The following WWOX variants were observed in gnomAD, a reference collection of about 807,000 sequenced individuals.
The protein encoded by WWOX is WW domain containing oxidoreductase, also known as WW domain-containing oxidoreductase.
A neutral mutation model predicts 46.2 loss-of-function variants in WWOX; 69 were observed. That is an observed-to-expected ratio of 1.49 (90% CI 1.23 to 1.82). The LOEUF (loss-of-function observed/expected upper bound fraction) is 1.82, where lower values mean the gene tolerates loss of function less well. Ranked by LOEUF, WWOX falls within the 40% of genes most tolerant of loss-of-function variation. WWOX has a pLI of 0.00. For synonymous variants in WWOX, 359 were observed against 202.6 expected, an observed-to-expected ratio of 1.77 and a Z score of -6.56; for missense variants, 919 against 542.6, an observed-to-expected ratio of 1.69 and a Z score of -6.89.
chr16:78,580,470 A>T (rs914991886), intron 8 of WWOX, among the ~76,000 whole-genome samples: 1 of 152,204 alleles, frequency 6.6e-6, no homozygotes, highest in African/African-American at 2.4e-5. Flanking sequence ...TGAGTCTTTC[A>T]TCAAAAACAA....
chr16:79,016,181 C>T (rs1271717651), intron 8 of WWOX: 6 of 152,228 alleles, frequency 3.9e-5, no homozygotes, highest in African/African-American at 9.6e-5. Flanking sequence ...AAGAAAGGAT[C>T]TACTGGCAGC....
intron 5 of WWOX, among the ~76,000 whole-genome samples, chr16:78,281,454 T>C (rs9926171): frequency 0.58 from 88,211 of 152,012 alleles, 26,041 homozygotes; most frequent in East Asian, 0.73. Flanking sequence ...GCTCCAAATT[T>C]AAACTAGCTT....
At chr16:78,353,836 G>T (rs1397020753) in intron 5 of WWOX, among the ~76,000 whole-genome samples, 3 of 152,226 alleles carry the variant, frequency 2.0e-5, no homozygotes, top group African/African-American at 7.2e-5. Flanking sequence ...GGCTTGGGTG[G>T]CGTTCGCTTT....
At chr16:78,295,246 A>C (rs181525127) in intron 5 of WWOX, among the ~76,000 whole-genome samples, 2 of 152,332 alleles carry the variant, frequency 1.3e-5, no homozygotes, top group East Asian at 3.9e-4. Context: ...GGATTAATCT[A>C]GACTGAAATG....
chr16:78,852,360 G>C (rs915289226), intron 8 of WWOX, among the ~76,000 whole-genome samples: 1 of 152,168 alleles, frequency 6.6e-6, no homozygotes, highest in African/African-American at 2.4e-5. Context: ...CTTCTGCTTT[G>C]CTTCTCTTGG....
chr16:78,362,064 T>C (rs114552549), intron 5 of WWOX, among the ~76,000 whole-genome samples: 2,023 of 152,050 alleles, frequency 0.013, 56 homozygotes, highest in African/African-American at 0.047. Context: ...GGACGCTATT[T>C]TAATGGGGTG....
intron 8 of WWOX, chr16:78,898,429 C>G (rs537131565): frequency 5.3e-5 from 8 of 152,204 alleles, no homozygotes; most frequent in African/African-American, 1.9e-4. Context: ...TCCTTGGCAT[C>G]TTTGTCAAAA....
chr16:78,582,762 C>A (rs1281753594), intron 8 of WWOX, among the ~76,000 whole-genome samples: 1 of 152,156 alleles, frequency 6.6e-6, no homozygotes, highest in Admixed American at 6.5e-5. Context: ...CAAACTGTGG[C>A]TCCCAGCTAC....
intron 8 of WWOX, among the ~76,000 whole-genome samples, chr16:78,762,276 G>A (rs1484624474): frequency 6.6e-6 from 1 of 152,172 alleles, no homozygotes; most frequent in Non-Finnish European, 1.5e-5. Context: ...GGTACTCAAA[G>A]CTTGGTCCAT....
chr16:78,195,359 C>T (rs571120155), intron 5 of WWOX, among the ~76,000 whole-genome samples: 6 of 152,250 alleles, frequency 3.9e-5, no homozygotes, highest in South Asian at 4.1e-4. Flanking sequence ...GACTTTTCAT[C>T]CCTGGGACCC....
chr16:79,092,733 G>A (rs567999753), intron 8 of WWOX, among the ~76,000 whole-genome samples: 2 of 152,278 alleles, frequency 1.3e-5, no homozygotes, highest in South Asian at 4.1e-4. Context: ...ACACAAAAAT[G>A]AGGGTTTTTG....
At chr16:78,159,672 GTTTTT>G (rs35468343) in intron 4 of WWOX, among the ~76,000 whole-genome samples, 1 of 55,380 alleles carries the variant, frequency 1.8e-5, no homozygotes. Context: ...AAAATCTGTG[GTTTTT>G]TTTTTTTTTT....
chr16:78,388,714 A>G (rs1296846738), intron 6 of WWOX, among the ~76,000 whole-genome samples: 1 of 150,846 alleles, frequency 6.6e-6, no homozygotes, highest in East Asian at 2.0e-4. Context: ...TCACGCCTGT[A>G]ATCCCAGCAC....
chr16:79,156,521 AGT>A (rs1376749990), intron 8 of WWOX, among the ~76,000 whole-genome samples: 4 of 152,210 alleles, frequency 2.6e-5, no homozygotes, highest in African/African-American at 9.6e-5. Context: ...TGCCACACCA[AGT>A]AGAAGGTGTT....
intron 8 of WWOX, among the ~76,000 whole-genome samples, chr16:79,007,333 A>T (rs2047210620): frequency 6.6e-6 from 1 of 152,218 alleles, no homozygotes; most frequent in Admixed American, 6.5e-5. Flanking sequence ...ACATGAGGAA[A>T]GGGCTCATGA....
intron 8 of WWOX, among the ~76,000 whole-genome samples, chr16:78,689,864 T>TG (rs2047945737): frequency 6.6e-6 from 1 of 152,116 alleles, no homozygotes; most frequent in Non-Finnish European, 1.5e-5. Flanking sequence ...TTTGTTTTTT[T>TG]TGTGTGTTTT....
chr16:78,523,112 G>C (rs1196534205), intron 8 of WWOX, among the ~76,000 whole-genome samples: 1 of 152,054 alleles, frequency 6.6e-6, no homozygotes, highest in African/African-American at 2.4e-5. Context: ...CCTAACACTG[G>C]TACGAGAAGA....
chr16:78,671,063 C>G (rs535689867), intron 8 of WWOX, among the ~76,000 whole-genome samples: 1 of 152,280 alleles, frequency 6.6e-6, no homozygotes, highest in Non-Finnish European at 1.5e-5. Context: ...TGCAGAACCC[C>G]CAGAAGGGAC....
chr16:79,002,424 A>G (rs555934677), intron 8 of WWOX, among the ~76,000 whole-genome samples: 1 of 151,728 alleles, frequency 6.6e-6, no homozygotes, highest in Non-Finnish European at 1.5e-5. Context: ...GGGTTTTGAC[A>G]TGTTGCCAGG....
Sources: gnomAD v4.1 joint callset for allele counts (sites outside exome capture counted in the v4.1 genomes callset) on GRCh38, gnomAD v4.1.1 for gene constraint, MANE v1.5 for transcripts, NCBI Gene and HGNC (gene_info 2026-07-23, HGNC 2026-07-21) for gene names.